Variants in MYO18B observed in about 807,000 individuals in gnomAD.
MYO18B encodes the protein unconventional myosin-XVIIIb.
MYO18B carries 204 observed loss-of-function variants against 273.0 expected under a neutral mutation model. That is an observed-to-expected ratio of 0.75 (90% CI 0.67 to 0.84). The LOEUF (loss-of-function observed/expected upper bound fraction) is 0.84, where lower values mean the gene tolerates loss of function less well. Ranked by LOEUF, MYO18B falls within the 40% of genes least tolerant of loss-of-function variation. The probability of loss-of-function intolerance (pLI) is 0.00; values close to 1 mark genes in which losing one functional copy is unlikely to be tolerated. For synonymous variants in MYO18B, 1,330 were observed against 1,305.7 expected, an observed-to-expected ratio of 1.02 and a Z score of -0.40; for missense variants, 3,212 against 3,287.6, an observed-to-expected ratio of 0.98 and a Z score of 0.56.
At chr22:25,914,437 CT>C (rs2092222794) in intron 33 of MYO18B, among the ~76,000 whole-genome samples, 1 of 151,762 alleles carries the variant, frequency 6.6e-6, no homozygotes, top group South Asian at 2.1e-4. Flanking sequence ...AGATCTTGGA[CT>C]TTTTTGTTAG....
intron 1 of MYO18B, among the ~76,000 whole-genome samples, chr22:25,745,510 C>T (rs988523768): frequency 6.6e-6 from 1 of 152,026 alleles, no homozygotes; most frequent in African/African-American, 2.4e-5. Context: ...CACGCACACA[C>T]ATCTCATTCA....
At chr22:25,824,779 A>G (rs1475063656) in intron 13 of MYO18B, among the ~76,000 whole-genome samples, 1 of 151,738 alleles carries the variant, frequency 6.6e-6, no homozygotes, top group Non-Finnish European at 1.5e-5. Flanking sequence ...CCTCTTCGAC[A>G]TGCACACACA....
In MYO18B at chr22:25,859,326, C is replaced by T. The variant is rs563772129; in HGVS notation, c.3885+7747C>T. Among the ~76,000 whole-genome samples, 5 of 152,156 alleles carry T rather than the reference C, an allele frequency of 3.3e-5. No homozygotes were observed. The South Asian group carries it at 1.0e-3, about 32-fold the overall frequency. On this transcript the variant is annotated intron_variant, in intron 21 of 43. Transcript: ENST00000335473. Reference sequence around the variant, plus strand: ...CTATTATGAAAAAGGATGTTGTGAACATTTGCATATCAGTCTTTGCACAGA... The same window carrying T: ...CTATTATGAAAAAGGATGTTGTGAATATTTGCATATCAGTCTTTGCACAGA...
At chr22:25,876,081 A>C in intron 23 of MYO18B, 108 bp from the exon 24 acceptor site, 2 of 1,061,026 alleles carry the variant, frequency 1.9e-6, no homozygotes, top group South Asian at 1.6e-5. Context: ...TCCACCGGGA[A>C]ATAACCCCAC....
chr22:25,753,092 T>A (rs1175591311), intron 1 of MYO18B, among the ~76,000 whole-genome samples: 4 of 72,128 alleles, frequency 5.5e-5, no homozygotes, highest in African/African-American at 2.0e-4. Flanking sequence ...CCACCACTGG[T>A]TAGGATCGCG....
chr22:25,898,056 T>C, intron 28 of MYO18B: 1 of 446,072 alleles, frequency 2.2e-6, no homozygotes, highest in South Asian at 3.4e-5. Context: ...TGGAGGTTTA[T>C]TGAGCAAAAG....
intron 8 of MYO18B, among the ~76,000 whole-genome samples, chr22:25,779,395 A>G (rs1459328518): frequency 6.6e-6 from 1 of 152,210 alleles, no homozygotes; most frequent in African/African-American, 2.4e-5. Context: ...GTAACCAGGA[A>G]AGGGCAGATC....
rs1041351803 is a variant in MYO18B, at chr22:26,026,454, A to C, written c.6480A>C (p.Glu2160Asp). The change falls in exon 43 of 44, where the codon GAA (glutamate) becomes GAC (aspartate). Residue 2160 changes from glutamate (E) to aspartate (D), a missense_variant. Glu to Asp is a conservative substitution (Grantham distance 45). Transcript: ENST00000335473. ...SSRILSPRIN[E>D]EAGDTERTQS... ...TTTCTTCTTGGCACAGGATAAACGAAGAGGCTGGGGACACTGAGAGGACCC... is the reference window on the plus strand; with the variant it reads ...TTTCTTCTTGGCACAGGATAAACGACGAGGCTGGGGACACTGAGAGGACCC... 3.1e-6 allele frequency: 5 copies of C among 1,605,078 alleles called. No individual in the cohort carries two copies. Among genetic ancestry groups the C allele is most frequent in the Non-Finnish European group, 3.4e-6 (4 of 1,175,154 alleles).
At chr22:25,899,010 A>G (rs947898293) in intron 29 of MYO18B, 1 of 153,046 alleles carries the variant, frequency 6.5e-6, no homozygotes, top group Admixed American at 6.5e-5. Flanking sequence ...TGGGCTAGAG[A>G]ATAAGGAGGA....
In MYO18B at chr22:25,902,647, T is replaced by A; in HGVS notation, c.4858T>A (p.Ser1620Thr). ...GCAGCTGGCCCAGGCCCTAGGTGAG[T>A]CAGTGTTTGAGAAGGGTCTCCGTGA... is the stretch of plus-strand genomic sequence containing the variant. ...DLQLAQALGE[S>T]VFEKGLREKV... The change falls in exon 30 of 44, where the codon TCA (serine) becomes ACA (threonine). Residue 1620 changes from serine to threonine, a missense_variant. Coordinates refer to ENST00000335473, the MANE Select transcript of MYO18B (RefSeq NM_032608.7). The A allele has an allele frequency of 6.2e-7, 1 of 1,605,428 alleles. No individual in the cohort carries two copies. The highest frequency in any genetic ancestry group is 1.1e-5 in the South Asian group (1 of 88,876).
At chr22:25,969,374 T>C (rs1337810054) in intron 39 of MYO18B, among the ~76,000 whole-genome samples, 2 of 152,260 alleles carry the variant, frequency 1.3e-5, no homozygotes, top group African/African-American at 4.8e-5. Flanking sequence ...TTAGGGCTCA[T>C]CTACTTTTCC....
intron 28 of MYO18B, chr22:25,896,908 C>A (rs5996995): frequency 0.14 from 21,360 of 152,148 alleles, 1,929 homozygotes; most frequent in East Asian, 0.31. Flanking sequence ...TCTTTCAAGT[C>A]GGTACCAGCT....
chr22:25,955,436 A>C, intron 39 of MYO18B, 72 bp downstream of exon 39: 1 of 1,470,138 alleles, frequency 6.8e-7, no homozygotes, highest in Non-Finnish European at 9.1e-7. Context: ...CTTTCTTAAG[A>C]CTTCTGAATG....
In MYO18B at chr22:26,003,267, T is replaced by C; in HGVS notation, c.6290T>C (p.Val2097Ala). The C allele has an allele frequency of 1.2e-6, 2 of 1,609,026 alleles. No individual in the cohort carries two copies. Among genetic ancestry groups the C allele is most frequent in the African/African-American group, 1.3e-5 (1 of 74,976 alleles). The change falls in exon 41 of 44, where the codon GTC becomes GCC. Residue 2097 changes from valine (V) to alanine (A), a missense_variant and splice_region_variant. Transcript: ENST00000335473. ...CTCTTTCTTGTGCCTCTTACTAGTG[T>C]CCAGACGGCAGTGGATTGTGGCAGC... ...VASSDSDTESVQTAVDCGSSG... is the reference protein window; with the variant it reads ...VASSDSDTESAQTAVDCGSSG...
the MYO18B span, among the ~76,000 whole-genome samples, chr22:26,059,719 A>G: frequency 6.6e-6 from 1 of 152,224 alleles, no homozygotes; most frequent in African/African-American, 2.4e-5. Flanking sequence ...TAGTCTCACA[A>G]TTCCACAGAC....
At chr22:25,887,337 C>A (rs1219417299) in intron 25 of MYO18B, among the ~76,000 whole-genome samples, 1 of 152,134 alleles carries the variant, frequency 6.6e-6, no homozygotes, top group Admixed American at 6.5e-5. Context: ...CCGTGAAATC[C>A]CAGTTACTCA....
At chr22:25,784,656 T>C (rs537243584) in intron 10 of MYO18B, among the ~76,000 whole-genome samples, 21 of 152,244 alleles carry the variant, frequency 1.4e-4, no homozygotes, top group Admixed American at 7.8e-4. Context: ...CAACGTGGGA[T>C]TGGGGATCCT....
chr22:25,834,862 T>G (rs2089840761), intron 16 of MYO18B, among the ~76,000 whole-genome samples: 1 of 152,260 alleles, frequency 6.6e-6, no homozygotes, highest in Non-Finnish European at 1.5e-5. Context: ...CAAGGACTTC[T>G]TAGAGGAAAC....
intron 7 of MYO18B, among the ~76,000 whole-genome samples, chr22:25,775,470 G>A (rs1008691928): frequency 6.6e-6 from 1 of 152,170 alleles, no homozygotes; most frequent in African/African-American, 2.4e-5. Context: ...CAGCATCTTG[G>A]GCTTCAGACA....
Sources: allele counts gnomAD v4.1 joint callset (sites outside exome capture counted in the v4.1 genomes callset), GRCh38; gene constraint gnomAD v4.1.1; transcripts MANE v1.5; gene names NCBI Gene and HGNC (gene_info 2026-07-23, HGNC 2026-07-21).